Variants in ERI1 observed in about 807,000 individuals in gnomAD.
ERI1 encodes 3'-5' exoribonuclease 1.
ERI1 carries 39 observed loss-of-function variants against 39.7 expected under a neutral mutation model. That is an observed-to-expected ratio of 0.98 (90% confidence interval 0.76 to 1.28). ERI1 has a LOEUF of 1.28. Ranked by LOEUF, ERI1 falls within the 50% of genes most tolerant of loss-of-function variation. ERI1 has a pLI of 0.00. For synonymous variants in ERI1, 204 were observed against 149.6 expected (o/e 1.36, Z -2.65); for missense variants, 581 against 416.9 (o/e 1.39, Z -3.43).
intron 6 of ERI1, among the ~76,000 whole-genome samples, chr8:9,027,902 T>C (rs1321687796): frequency 6.6e-6 from 1 of 152,252 alleles, no homozygotes; most frequent in Non-Finnish European, 1.5e-5. Context: ...TGAGCCATCC[T>C]TGCATTTCAG....
At chr8:9,067,499 G>A (rs1420177944) in intron 3 of ERI1, among the ~76,000 whole-genome samples, 1 of 150,976 alleles carries the variant, frequency 6.6e-6, no homozygotes, top group Non-Finnish European at 1.5e-5. Context: ...TACAAAAGAT[G>A]CAAAAATTAG....
At chr8:9,047,884 C>A (rs1466415722) in intron 3 of ERI1, among the ~76,000 whole-genome samples, 1 of 152,228 alleles carries the variant, frequency 6.6e-6, no homozygotes, top group African/African-American at 2.4e-5. Context: ...CACACACGCC[C>A]ACCAGGCACC....
At chr8:9,055,444 C>T (rs545962725) in intron 3 of ERI1, among the ~76,000 whole-genome samples, 1 of 152,216 alleles carries the variant, frequency 6.6e-6, no homozygotes, top group Non-Finnish European at 1.5e-5. Flanking sequence ...TGTTCAGATT[C>T]TTCTTGGCCT....
chr8:9,018,323 C>G lies in ERI1; in HGVS notation c.609C>G (p.Phe203Leu), dbSNP rs1563322287. 4 of 1,611,566 alleles carry G rather than the reference C, an allele frequency of 2.5e-6. No homozygotes were observed. The highest frequency in any genetic ancestry group is 3.4e-6 in the Non-Finnish European group (4 of 1,178,068). ...TQDQVDRADTFPQVLKKVIDW... is the reference protein window; with the variant it reads ...TQDQVDRADTLPQVLKKVIDW... ...ATCAGGTAGACAGAGCTGATACCTT[C>G]CCTCAGGTACTAAAAAAAGTAATTG... is the stretch of plus-strand genomic sequence containing the variant. The change falls in exon 5 of 7, where the codon TTC (phenylalanine) becomes TTG (leucine). Residue 203 changes from phenylalanine (F) to leucine (L), a missense_variant. Physicochemically the swap from Phe to Leu is conservative, Grantham distance 22 (BLOSUM62 0). Transcript: ENST00000250263.
intron 3 of ERI1, chr8:9,088,409 C>T (rs910738348): frequency 2.0e-5 from 3 of 152,134 alleles, no homozygotes; most frequent in African/African-American, 7.2e-5. Flanking sequence ...TCCGTTAGCT[C>T]AAGTTGTGCC....
At chr8:9,047,136 C>G (rs890003246) in intron 3 of ERI1, among the ~76,000 whole-genome samples, 2 of 152,360 alleles carry the variant, frequency 1.3e-5, no homozygotes, top group South Asian at 4.1e-4. Flanking sequence ...CCCTGACCAT[C>G]TTCCTGCACA....
intron 3 of ERI1, among the ~76,000 whole-genome samples, chr8:9,043,630 A>T (rs2979269): frequency 6.6e-6 from 1 of 152,068 alleles, no homozygotes; most frequent in East Asian, 1.9e-4. Context: ...TTGGTATTCC[A>T]TGAGAGGTTG....
At chr8:9,004,240 A>G in intron 1 of ERI1, 1 of 1,230,192 alleles carries the variant, frequency 8.1e-7, no homozygotes, top group South Asian at 1.4e-5. Flanking sequence ...TCTTGTAAAG[A>G]ACCACTCTTC....
chr8:9,019,002 C>G (rs932298207), intron 5 of ERI1, among the ~76,000 whole-genome samples: 4 of 152,042 alleles, frequency 2.6e-5, no homozygotes, highest in Non-Finnish European at 4.4e-5. Context: ...GATATATAAT[C>G]TTTGTGTACA....
At chr8:9,078,392 A>G (rs1400911670) in intron 3 of ERI1, among the ~76,000 whole-genome samples, 1 of 152,078 alleles carries the variant, frequency 6.6e-6, no homozygotes, top group African/African-American at 2.4e-5. Flanking sequence ...CTGGGAGAGT[A>G]GTATTCCCAT....
intron 3 of ERI1, among the ~76,000 whole-genome samples, chr8:9,014,225 T>G (rs578138664): frequency 6.6e-6 from 1 of 152,336 alleles, no homozygotes; most frequent in Admixed American, 6.5e-5. Flanking sequence ...CAGGCATGCT[T>G]TATCCCATTA....
At chr8:9,053,075 G>A (rs1798408470) in intron 3 of ERI1, among the ~76,000 whole-genome samples, 1 of 152,184 alleles carries the variant, frequency 6.6e-6, no homozygotes, top group Admixed American at 6.5e-5. Flanking sequence ...GGAGTGCAAT[G>A]GCGCAATCTC....
At chr8:9,090,938 G>T (rs965676191) in intron 3 of ERI1, among the ~76,000 whole-genome samples, 3 of 152,148 alleles carry the variant, frequency 2.0e-5, no homozygotes, top group Non-Finnish European at 2.9e-5. Flanking sequence ...TTTATAGTGT[G>T]TAATATTACT....
At chr8:9,035,903 A>G (rs1277489029), downstream of ERI1, among the ~76,000 whole-genome samples, 1 of 152,216 alleles carries the variant, frequency 6.6e-6, no homozygotes, top group Non-Finnish European at 1.5e-5. Flanking sequence ...CTTAACAGGA[A>G]TTTGCAAGAA....
chr8:9,022,315 G>A (rs1817997907), intron 6 of ERI1, among the ~76,000 whole-genome samples: 1 of 151,996 alleles, frequency 6.6e-6, no homozygotes, highest in Non-Finnish European at 1.5e-5. Flanking sequence ...CATTACCTGT[G>A]TATTTTACTG....
chr8:9,063,836 A>G (rs1798781686), intron 3 of ERI1, among the ~76,000 whole-genome samples: 1 of 152,120 alleles, frequency 6.6e-6, no homozygotes, highest in Admixed American at 6.5e-5. Flanking sequence ...GAAGAAAATA[A>G]GGCATTTAGG....
intron 6 of ERI1, 65 bp from the exon 7 acceptor site, chr8:9,029,727 T>TA (rs1346150197): frequency 6.4e-7 from 1 of 1,571,954 alleles, no homozygotes; most frequent in East Asian, 2.2e-5. Flanking sequence ...TTTTTCATCT[T>TA]AACTGTGGCT....
At position 9,030,783 on chromosome 8, in the gene ERI1, G is replaced by A. The variant is rs998156693; in HGVS notation, c.*749G>A. On this transcript the variant is annotated 3_prime_UTR_variant, in exon 7 of 7. Coordinates refer to ENST00000250263, the MANE Select transcript of ERI1 (RefSeq NM_153332.4). The stretch of plus-strand genomic sequence containing the variant: ...CGCCTTCCTTTTTTGACATATGTAT[G>A]CCTTAATTCTTAAATCTGAGGGACC... 3.9e-5 allele frequency: 6 copies of A among 152,084 alleles called. No individual in the cohort carries two copies. The highest frequency in any genetic ancestry group is 1.4e-4 in the African/African-American group (6 of 41,402). The allele number at this position is 152,084 out of a possible 1,614,324, so 9.4% of individuals were successfully genotyped here.
At chr8:9,064,021 C>T (rs559246040) in intron 3 of ERI1, among the ~76,000 whole-genome samples, 7 of 150,470 alleles carry the variant, frequency 4.7e-5, no homozygotes, top group East Asian at 2.0e-4. Flanking sequence ...TCCAGAAAAG[C>T]AGGAAAGGGG....
Sources: gnomAD v4.1 joint callset for allele counts (sites outside exome capture counted in the v4.1 genomes callset) on GRCh38, gnomAD v4.1.1 for gene constraint, MANE v1.5 for transcripts, NCBI Gene and HGNC (gene_info 2026-07-23, HGNC 2026-07-21) for gene names.